Variants in PANK2 observed in about 807,000 individuals in gnomAD.
PANK2 encodes the protein pantothenate kinase 2, mitochondrial.
PANK2 carries 36 observed loss-of-function variants against 43.1 expected under a neutral mutation model. The ratio of observed to expected loss-of-function variants is 0.84; its 90% confidence interval spans 0.64 to 1.10. The LOEUF is 1.10. PANK2 is among the 50% of genes least tolerant of loss of function. PANK2 has a pLI of 0.00. For synonymous variants in PANK2, 281 were observed against 238.2 expected, an observed-to-expected ratio of 1.18 and a Z score of -1.66; for missense variants, 576 against 593.3, an observed-to-expected ratio of 0.97 and a Z score of 0.30.
intron 6 of PANK2, among the ~76,000 whole-genome samples, 188 bp downstream of exon 6, chr20:3,918,984 G>A (rs2090606709): frequency 6.6e-6 from 1 of 152,166 alleles, no homozygotes; most frequent in Non-Finnish European, 1.5e-5. Flanking sequence ...GGGGCTCACT[G>A]CAGCCTCCGC....
Position 3,889,397 on chromosome 20 carries a change from G to C in PANK2, c.-34G>C. 6.4e-7 allele frequency: 1 copy of C among 1,572,960 alleles called. No homozygotes were observed. Among genetic ancestry groups the C allele is most frequent in the Non-Finnish European group, 8.6e-7 (1 of 1,161,618 alleles). Reference sequence around the variant, plus strand: ...CGAGGGCGCGCCTCTGCTCTGGCTGGACTGCCGCGGAGGAGGCGAGAAGGA... The same window carrying C: ...CGAGGGCGCGCCTCTGCTCTGGCTGCACTGCCGCGGAGGAGGCGAGAAGGA... On this transcript the variant is annotated 5_prime_UTR_variant, in exon 1 of 7. Transcript: ENST00000610179.
chr20:3,911,207 A>G (rs963847814), intron 3 of PANK2, among the ~76,000 whole-genome samples: 6 of 152,250 alleles, frequency 3.9e-5, no homozygotes, highest in African/African-American at 9.6e-5. Flanking sequence ...ATGTGTGTGT[A>G]GAATAATGAT....
chr20:3,927,549 A>G lies in PANK2; in HGVS notation c.*4255A>G, dbSNP rs2090741423. 1 of 152,186 alleles carries G rather than the reference A, an allele frequency of 6.6e-6. No individual in the cohort carries two copies. The highest frequency in any genetic ancestry group is 1.9e-4 in the East Asian group (1 of 5,196). The allele number at this position is 152,186 out of a possible 1,614,324, so 9.4% of individuals were successfully genotyped here. A position where few individuals can be genotyped will look rare whatever the true frequency, so the allele number is the denominator to read the frequency against. On this transcript the variant is annotated 3_prime_UTR_variant, in exon 7 of 7. Coordinates refer to ENST00000610179, the MANE Select transcript of PANK2 (RefSeq NM_001386393.1). The stretch of plus-strand genomic sequence containing the variant: ...AACCTTTTTTTGAGGGAGTTACACA[A>G]TACCTAGTGAGGAAACCCGAGGGCC...
At position 3,923,244 on chromosome 20, in the gene PANK2, G is replaced by T. The variant is rs1387302328; in HGVS notation, c.1333G>T (p.Gly445Cys). Reference sequence around the variant, plus strand: ...TTATTTTTGGTGTATTTTCTTTCAGGGTTATTTTGGAGCTGTTGGAGCACT... The same window carrying T: ...TTATTTTTGGTGTATTTTCTTTCAGTGTTATTTTGGAGCTGTTGGAGCACT... The change falls in exon 7 of 7, where the codon GGT becomes TGT. Residue 445 changes from glycine to cysteine, a missense_variant and splice_region_variant. Transcript: ENST00000610179. 4.3e-6 allele frequency: 7 copies of T among 1,614,100 alleles called. No individual in the cohort carries two copies. The highest frequency in any genetic ancestry group is 5.9e-6 in the Non-Finnish European group (7 of 1,179,992).
chr20:3,916,781 C>A, intron 4 of PANK2, 146 bp from the exon 5 acceptor site: 2 of 1,179,572 alleles, frequency 1.7e-6, no homozygotes, highest in South Asian at 1.3e-5. Flanking sequence ...TCTCTTTGAA[C>A]AGATGCTCCA....
chr20:3,926,392 A>T lies in PANK2; in HGVS notation c.*3098A>T, dbSNP rs1304462444. ...GGGGCCTGTGGCTCAGGGGACTGAG[A>T]AGAGGAGCTCTCTAGGCATCTGAAT... On this transcript the variant is annotated 3_prime_UTR_variant, in exon 7 of 7. Transcript: ENST00000610179. 1 of 152,186 alleles carries T rather than the reference A, an allele frequency of 6.6e-6. No homozygotes were observed. Among genetic ancestry groups the T allele is most frequent in the African/African-American group, 2.4e-5 (1 of 41,432 alleles). 9.4% of individuals were successfully genotyped at this position (152,186 alleles called of 1,614,324 possible).
At chr20:3,888,982 G>A (rs933205035), upstream of PANK2, 23 of 769,238 alleles carry the variant, frequency 3.0e-5, no homozygotes, top group South Asian at 1.2e-4. Flanking sequence ...GGCTGGAGGA[G>A]GGCTCGAGCT....
rs199909107 is a variant in PANK2, at chr20:3,920,163, CTT to C, written c.1332+1368_1332+1369del. Among the ~76,000 whole-genome samples the C allele has an allele frequency of 6.8e-3, 1,033 of 151,986 alleles. 12 individuals are homozygous for C. Among genetic ancestry groups the C allele is most frequent in the African/African-American group, 0.024 (991 of 41,422 alleles). On this transcript the variant is annotated intron_variant, in intron 6 of 6. Transcript: ENST00000610179. ...ATCTTTTTCTGCTTTATTTCTGCCTCTTGTTTAACCTTTTCCTAGGTAGAACA... is the reference window on the plus strand; with the variant it reads ...ATCTTTTTCTGCTTTATTTCTGCCTCGTTTAACCTTTTCCTAGGTAGAACA...
chr20:3,905,633 C>T (rs113333992), intron 1 of PANK2, among the ~76,000 whole-genome samples: 18,331 of 151,886 alleles, frequency 0.12, 1,426 homozygotes, highest in Non-Finnish European at 0.18. Context: ...AGGCGTGAGC[C>T]ACCACACCCG....
chr20:3,907,879 A>C, intron 1 of PANK2, 47 bp from the exon 2 acceptor site: 2 of 1,547,678 alleles, frequency 1.3e-6, no homozygotes, highest in South Asian at 2.3e-5. Flanking sequence ...GGGTAAATTT[A>C]ATTTTCAGAA....
intron 1 of PANK2, among the ~76,000 whole-genome samples, chr20:3,899,449 A>G (rs1555785932): frequency 6.7e-6 from 1 of 150,348 alleles, no homozygotes; most frequent in Non-Finnish European, 1.5e-5. Flanking sequence ...GGGATTACAG[A>G]TGTGAGCCAT....
At chr20:3,895,671 G>A (rs1404446314) in intron 1 of PANK2, among the ~76,000 whole-genome samples, 1 of 151,984 alleles carries the variant, frequency 6.6e-6, no homozygotes, top group Non-Finnish European at 1.5e-5. Flanking sequence ...ATAATTTGGG[G>A]TATCTTCAGG....
intron 4 of PANK2, among the ~76,000 whole-genome samples, chr20:3,913,632 G>A (rs1327546913): frequency 1.3e-5 from 2 of 151,902 alleles, no homozygotes; most frequent in African/African-American, 4.8e-5. Context: ...ACCGCGCCCG[G>A]CTGCCACATA....
At chr20:3,923,212 A>G (rs1372827141) in intron 6 of PANK2, 32 bp from the exon 7 acceptor site, 3 of 1,612,420 alleles carry the variant, frequency 1.9e-6, no homozygotes, top group Non-Finnish European at 8.5e-7. Context: ...TCTAAGGAAA[A>G]TTGCACTTAT....
At chr20:3,912,930 CAAAA>C (rs71331078) in intron 4 of PANK2, among the ~76,000 whole-genome samples, 4 of 71,472 alleles carry the variant, frequency 5.6e-5, no homozygotes, top group Admixed American at 2.1e-4. Context: ...GACTCTGTCT[CAAAA>C]AAAAAAAAAA....
At chr20:3,895,555 T>C (rs1268168841) in intron 1 of PANK2, among the ~76,000 whole-genome samples, 1 of 150,554 alleles carries the variant, frequency 6.6e-6, no homozygotes, top group Non-Finnish European at 1.5e-5. Context: ...GACTAGGCTA[T>C]TGTAGAGCAT....
intron 1 of PANK2, among the ~76,000 whole-genome samples, chr20:3,894,861 G>A (rs1324470029): frequency 6.6e-6 from 1 of 152,170 alleles, no homozygotes; most frequent in African/African-American, 2.4e-5. Context: ...GTGTAAAATG[G>A]TACAGTATAT....
chr20:3,898,419 C>T lies in PANK2; in HGVS notation c.298+8691C>T, dbSNP rs1050807620. On this transcript the variant is annotated intron_variant, in intron 1 of 6. Coordinates refer to ENST00000610179, the MANE Select transcript of PANK2 (RefSeq NM_001386393.1). Reference sequence around the variant, plus strand: ...TTTACCATGTCGGCCAGACTGGTCTCGAACTCCTGACCTCAGGTCATCCAC... The same window carrying T: ...TTTACCATGTCGGCCAGACTGGTCTTGAACTCCTGACCTCAGGTCATCCAC... Among the ~76,000 whole-genome samples the T allele has an allele frequency of 5.3e-5, 8 of 152,102 alleles. 1 individual carries two copies. The highest frequency in any genetic ancestry group is 3.3e-4 in the Admixed American group (5 of 15,208).
intron 2 of PANK2, 86 bp downstream of exon 2, chr20:3,908,364 C>A: frequency 8.0e-7 from 1 of 1,243,048 alleles, no homozygotes; most frequent in Non-Finnish European, 1.1e-6. Flanking sequence ...TAATTTCCAT[C>A]TCTAATGGAA....
Sources: gnomAD v4.1 joint callset for allele counts (sites outside exome capture counted in the v4.1 genomes callset) on GRCh38, gnomAD v4.1.1 for gene constraint, MANE v1.5 for transcripts, NCBI Gene and HGNC (gene_info 2026-07-23, HGNC 2026-07-21) for gene names.